The following SAMD15 variants were observed in gnomAD, a reference collection of about 807,000 sequenced individuals.
SAMD15 encodes the protein sterile alpha motif domain containing 15, also known as sterile alpha motif domain-containing protein 15.
Under a neutral mutation model 50.5 loss-of-function variants are expected in SAMD15, and 37 were observed. That is an observed-to-expected ratio of 0.73 (90% CI 0.56 to 0.96). The LOEUF is 0.96. Ranked by LOEUF, SAMD15 falls within the 40% of genes least tolerant of loss-of-function variation. The pLI, the probability that SAMD15 is intolerant of heterozygous loss-of-function variation, is 0.00. For synonymous variants in SAMD15, 255 were observed against 282.8 expected, an observed-to-expected ratio of 0.90 and a Z score of 0.99; for missense variants, 789 against 783.8, an observed-to-expected ratio of 1.01 and a Z score of -0.08.
At chr14:77,388,668 G>T (rs1405857979) in intron 2 of SAMD15, among the ~76,000 whole-genome samples, 1 of 151,714 alleles carries the variant, frequency 6.6e-6, no homozygotes, top group African/African-American at 2.4e-5. Context: ...GAGTGCAGTG[G>T]TGCGATCTCA....
At chr14:77,384,107 T>TA (rs1893978932) in intron 2 of SAMD15, among the ~76,000 whole-genome samples, 1 of 152,124 alleles carries the variant, frequency 6.6e-6, no homozygotes, top group Non-Finnish European at 1.5e-5. Context: ...CCATTGTACT[T>TA]ACAGCACCTA....
intron 2 of SAMD15, among the ~76,000 whole-genome samples, chr14:77,383,739 A>G (rs1276362991): frequency 6.6e-6 from 1 of 152,158 alleles, no homozygotes; most frequent in Non-Finnish European, 1.5e-5. Flanking sequence ...TTGGGAGGCC[A>G]AGGCAGGTGG....
intron 1 of SAMD15, 94 bp from the exon 2 acceptor site, chr14:77,380,289 A>G: frequency 1.2e-6 from 1 of 832,514 alleles, no homozygotes; most frequent in South Asian, 1.4e-5. Context: ...TCAGGGTAGA[A>G]CAAACACGAC....
At chr14:77,389,169 A>G (rs1039789188) in intron 2 of SAMD15, among the ~76,000 whole-genome samples, 3 of 152,116 alleles carry the variant, frequency 2.0e-5, no homozygotes, top group Non-Finnish European at 4.4e-5. Flanking sequence ...AGGCAACTAT[A>G]CCCATAAATC....
In SAMD15 at chr14:77,378,567, A is replaced by G. The variant is rs1893892809; in HGVS notation, c.1149A>G (p.Leu383=). 6.2e-7 allele frequency: 1 copy of G among 1,613,528 alleles called. No individual in the cohort carries two copies. The highest frequency in any genetic ancestry group is 8.5e-7 in the Non-Finnish European group (1 of 1,179,934). Residue 383 remains leucine (L), a synonymous_variant, in exon 1 of 3, where the codon CTA becomes CTG. Coordinates refer to ENST00000216471, the MANE Select transcript of SAMD15 (RefSeq NM_001010860.4). ...PQPPEETGPV[L]PQEINPQVEE... is the part of the protein sequence containing the mutation. ...CACCAGAGGAGACTGGTCCAGTGCT[A>G]CCACAGGAGATCAACCCACAAGTTG...
chr14:77,378,574 G>C lies in SAMD15; in HGVS notation c.1156G>C (p.Glu386Gln). The change falls in exon 1 of 3, where the codon GAG (glutamate) becomes CAG (glutamine). Residue 386 changes from glutamate to glutamine, a missense_variant. Coordinates refer to ENST00000216471, the MANE Select transcript of SAMD15 (RefSeq NM_001010860.4). ...PEETGPVLPQ[E>Q]INPQVEEKTQ... The stretch of plus-strand genomic sequence containing the variant: ...GGAGACTGGTCCAGTGCTACCACAG[G>C]AGATCAACCCACAAGTTGAAGAGAA... 6.2e-7 allele frequency: 1 copy of C among 1,613,422 alleles called. No homozygotes were observed. The highest frequency in any genetic ancestry group is 8.5e-7 in the Non-Finnish European group (1 of 1,179,924).
intron 2 of SAMD15, among the ~76,000 whole-genome samples, chr14:77,385,536 G>A (rs1204165860): frequency 6.6e-6 from 1 of 152,002 alleles, no homozygotes; most frequent in Non-Finnish European, 1.5e-5. Flanking sequence ...TGATCCGACT[G>A]TCTTGGCCTC....
At chr14:77,389,496 A>T (rs1196676622) in intron 2 of SAMD15, among the ~76,000 whole-genome samples, 5 of 111,640 alleles carry the variant, frequency 4.5e-5, no homozygotes, top group Middle Eastern at 5.7e-3. Flanking sequence ...GGCAATCACA[A>T]TTTTTTTTTT....
intron 2 of SAMD15, among the ~76,000 whole-genome samples, chr14:77,384,438 C>T (rs1331543673): frequency 1.3e-5 from 2 of 152,144 alleles, no homozygotes; most frequent in African/African-American, 4.8e-5. Context: ...TTAATCCATT[C>T]AGTCATTGAT....
At chr14:77,380,619 G>A (rs545778753) in intron 2 of SAMD15, 138 bp downstream of exon 2, 114 of 619,764 alleles carry the variant, frequency 1.8e-4, no homozygotes, top group African/African-American at 1.6e-3. Context: ...TCAGGCTCAC[G>A]GTGGTTGCCT....
In SAMD15 at chr14:77,390,875, G is replaced by T. The variant is rs558223874; in HGVS notation, c.1789-133G>T. On this transcript the variant is annotated intron_variant, in intron 2 of 2. Coordinates refer to ENST00000216471, the MANE Select transcript of SAMD15 (RefSeq NM_001010860.4). ...ACTGCACTCCAGCCTGGGCGACAGAGCAAGACTTCGTCTCAAAAAAAAGAA... is the reference window on the plus strand; with the variant it reads ...ACTGCACTCCAGCCTGGGCGACAGATCAAGACTTCGTCTCAAAAAAAAGAA... The T allele has an allele frequency of 2.6e-5, 18 of 681,354 alleles. No individual in the cohort carries two copies. In the South Asian group the frequency reaches 3.1e-4, roughly 12 times the overall value. The allele number at this position is 681,354 out of a possible 1,614,324, so 42.2% of individuals were successfully genotyped here. A position where few individuals can be genotyped will look rare whatever the true frequency, so the allele number is the denominator to read the frequency against.
In SAMD15 at chr14:77,378,999, T is replaced by C. The variant is rs371901648; in HGVS notation, c.1581T>C (p.Asp527=). ...AGTTGAAGGAACGGGTCTCTGAAGA[T>C]GACGAAACCCAGCCAGAAAAAGGGA... ...SQELKERVSE[D]DETQPEKGTE... Residue 527 remains aspartate, a synonymous_variant, in exon 1 of 3, where the codon GAT becomes GAC. Transcript: ENST00000216471. 2 of 1,614,204 alleles carry C rather than the reference T, an allele frequency of 1.2e-6. No homozygotes were observed. The highest frequency in any genetic ancestry group is 1.7e-6 in the Non-Finnish European group (2 of 1,180,038).
At position 77,378,991 on chromosome 14, in the gene SAMD15, T is replaced by G. The variant is rs1411969392; in HGVS notation, c.1573T>G (p.Ser525Ala). 1.9e-6 allele frequency: 3 copies of G among 1,614,082 alleles called. No homozygotes were observed. The highest frequency in any genetic ancestry group is 2.5e-6 in the Non-Finnish European group (3 of 1,180,050). The change falls in exon 1 of 3, where the codon TCT (serine) becomes GCT (alanine). Residue 525 changes from serine to alanine, a missense_variant. Around this residue, in one of 2 missense-constraint regions of SAMD15, gnomAD observed 770 missense variants for 745.4 expected, o/e 1.03. Transcript: ENST00000216471. ...DLSQELKERV[S>A]EDDETQPEKG... ...GTCCCAAGAGTTGAAGGAACGGGTC[T>G]CTGAAGATGACGAAACCCAGCCAGA...
At position 77,378,550 on chromosome 14, in the gene SAMD15, G is replaced by C. The variant is rs1361129436; in HGVS notation, c.1132G>C (p.Glu378Gln). 2 of 1,613,514 alleles carry C rather than the reference G, an allele frequency of 1.2e-6. No homozygotes were observed. Among genetic ancestry groups the C allele is most frequent in the South Asian group, 2.2e-5 (2 of 91,024 alleles). Residue 378 changes from glutamate (E) to glutamine (Q), a missense_variant, in exon 1 of 3, where the codon GAG becomes CAG. Coordinates refer to ENST00000216471, the MANE Select transcript of SAMD15 (RefSeq NM_001010860.4). ...NEKKNPQPPEETGPVLPQEIN... is the reference protein window; with the variant it reads ...NEKKNPQPPEQTGPVLPQEIN... ...GAAAAAAAATCCACAGCCACCAGAG[G>C]AGACTGGTCCAGTGCTACCACAGGA...
rs759204981 is a variant in SAMD15 at position 77,377,871 on chromosome 14, A to G, written c.453A>G (p.Leu151=). The G allele has an allele frequency of 1.4e-5, 22 of 1,614,208 alleles. No individual in the cohort carries two copies. Among genetic ancestry groups the G allele is most frequent in the Non-Finnish European group, 1.3e-5 (15 of 1,180,036 alleles). The part of the protein sequence containing the change: ...AKPNVTEDVF[L]ESAMETDPDP... ...CAAATGTTACAGAGGATGTGTTCCT[A>G]GAGTCAGCTATGGAAACAGATCCAG... The change falls in exon 1 of 3, where the codon CTA becomes CTG. Residue 151 remains leucine, a synonymous_variant. Transcript: ENST00000216471.
Position 77,377,959 on chromosome 14 carries a change from T to G in SAMD15, c.541T>G (p.Leu181Val). ...VSGATVRERN[L>V]ELLEEETEPG... ...GGGGGCCACAGTCAGAGAGAGAAAT[T>G]TAGAATTACTAGAGGAGGAGACTGA... The change falls in exon 1 of 3, where the codon TTA becomes GTA. Residue 181 changes from leucine (L) to valine (V), a missense_variant. By Grantham distance (32) the Leu-to-Val change is conservative. Transcript: ENST00000216471. 6.2e-7 allele frequency: 1 copy of G among 1,613,896 alleles called. No homozygotes were observed.
At chr14:77,381,039 C>G (rs1216665944) in intron 2 of SAMD15, among the ~76,000 whole-genome samples, 4 of 152,124 alleles carry the variant, frequency 2.6e-5, no homozygotes, top group South Asian at 2.1e-4. Context: ...CTCAGTTCCC[C>G]CATCCTCTGT....
At chr14:77,379,548 T>C (rs1369213574) in intron 1 of SAMD15, among the ~76,000 whole-genome samples, 1 of 152,130 alleles carries the variant, frequency 6.6e-6, no homozygotes, top group Non-Finnish European at 1.5e-5. Context: ...CCCGCCACCA[T>C]GCGCGGCTAA....
In SAMD15 at chr14:77,377,620, G is replaced by A. The variant is rs748058844; in HGVS notation, c.202G>A (p.Glu68Lys). Residue 68 changes from glutamate to lysine, a missense_variant, in exon 1 of 3, where the codon GAG becomes AAG. Glu to Lys is a moderately conservative substitution (Grantham distance 56, BLOSUM62 1). This residue lies in a region of SAMD15 where 770 missense variants were observed against 745.4 expected (regional missense o/e 1.03). Transcript: ENST00000216471. ...ETEEEDFKEG[E>K]PDSAKNVQLK... ...CGAGGAAGAGGACTTCAAAGAGGGG[G>A]AGCCAGACAGTGCTAAGAACGTGCA... 1.2e-6 allele frequency: 2 copies of A among 1,614,042 alleles called. No individual in the cohort carries two copies. Among genetic ancestry groups the A allele is most frequent in the Admixed American group, 1.7e-5 (1 of 60,004 alleles).
Sources: gnomAD v4.1 joint callset for allele counts (sites outside exome capture counted in the v4.1 genomes callset) on GRCh38, gnomAD v4.1.1 for gene constraint, gnomAD v4.1.1 regional missense constraint, MANE v1.5 for transcripts, NCBI Gene and HGNC (gene_info 2026-07-23, HGNC 2026-07-21) for gene names.